Variants in EYA2 observed in about 807,000 individuals in gnomAD.
The protein encoded by EYA2 is EYA transcriptional coactivator and phosphatase 2.
EYA2 carries 31 observed loss-of-function variants against 69.2 expected under a neutral mutation model. The ratio of observed to expected loss-of-function variants is 0.45; its 90% CI spans 0.34 to 0.60. EYA2 has a LOEUF of 0.60. Ranked by LOEUF, EYA2 falls within the 20% of genes least tolerant of loss-of-function variation. EYA2 has a pLI of 0.02. For missense variants in EYA2, 622 were observed against 701.2 expected (o/e 0.89, Z 1.28); for synonymous variants, 257 against 279.4 (o/e 0.92, Z 0.80).
chr20:46,904,079 A>G (rs942868552), intron 1 of EYA2, among the ~76,000 whole-genome samples: 1 of 152,216 alleles, frequency 6.6e-6, no homozygotes, highest in Non-Finnish European at 1.5e-5. Flanking sequence ...CCCTGGACTC[A>G]GACAGATCTG....
At chr20:47,002,206 CTTTAT>C (rs773848642) in intron 3 of EYA2, among the ~76,000 whole-genome samples, 79 of 151,268 alleles carry the variant, frequency 5.2e-4, no homozygotes, top group South Asian at 1.0e-3. Context: ...CATTTCTTTA[CTTTAT>C]TTTAAGTTCC....
chr20:46,932,552 T>C (rs1365318296), intron 1 of EYA2, among the ~76,000 whole-genome samples: 1 of 152,094 alleles, frequency 6.6e-6, no homozygotes, highest in East Asian at 1.9e-4. Context: ...GGTCTGGTGA[T>C]AGTGAGTGAG....
chr20:46,964,762 A>G (rs769523446), intron 1 of EYA2, among the ~76,000 whole-genome samples: 1 of 152,328 alleles, frequency 6.6e-6, no homozygotes, highest in African/African-American at 2.4e-5. Context: ...GCCCAAGGTC[A>G]CAGCGATCAT....
intron 1 of EYA2, among the ~76,000 whole-genome samples, chr20:46,979,193 G>T (rs183350535): frequency 6.6e-6 from 1 of 152,186 alleles, no homozygotes; most frequent in Non-Finnish European, 1.5e-5. Flanking sequence ...CGGCCCACCC[G>T]CCTGGGACCC....
chr20:46,914,254 C>T (rs1873507772), intron 1 of EYA2, among the ~76,000 whole-genome samples: 3 of 152,202 alleles, frequency 2.0e-5, no homozygotes. Flanking sequence ...CACAGTAGAA[C>T]TCACACTTAA....
At chr20:47,082,609 T>C (rs2031761052) in intron 7 of EYA2, among the ~76,000 whole-genome samples, 1 of 152,242 alleles carries the variant, frequency 6.6e-6, no homozygotes, top group Non-Finnish European at 1.5e-5. Context: ...ACCTGGTTCG[T>C]GAATCAGAAG....
chr20:47,065,855 A>T (rs911680722), intron 5 of EYA2, among the ~76,000 whole-genome samples: 1 of 152,158 alleles, frequency 6.6e-6, no homozygotes, highest in Admixed American at 6.5e-5. Context: ...TCTGTCTGGA[A>T]TTATCTCACT....
At chr20:47,100,696 G>A (rs949117553) in intron 9 of EYA2, among the ~76,000 whole-genome samples, 7 of 152,332 alleles carry the variant, frequency 4.6e-5, no homozygotes, top group African/African-American at 1.4e-4. Flanking sequence ...CACCCAGATC[G>A]CCTGTGCCAT....
intron 7 of EYA2, among the ~76,000 whole-genome samples, chr20:47,075,670 C>T (rs1206816): frequency 0.38 from 57,163 of 151,900 alleles, 10,933 homozygotes; most frequent in East Asian, 0.39. Flanking sequence ...TACAATCCTT[C>T]AAAACATCCT....
At chr20:47,159,325 G>C (rs2034018007) in intron 10 of EYA2, among the ~76,000 whole-genome samples, 1 of 151,972 alleles carries the variant, frequency 6.6e-6, no homozygotes, top group African/African-American at 2.4e-5. Context: ...CAGGAACCCG[G>C]TGTCATCATG....
chr20:47,081,708 G>A (rs1034710773), intron 7 of EYA2, among the ~76,000 whole-genome samples: 7 of 150,262 alleles, frequency 4.7e-5, no homozygotes, highest in Non-Finnish European at 1.0e-4. Flanking sequence ...GAACCTGGGA[G>A]GCAGAGGTTG....
At chr20:47,129,204 G>A (rs1242353985) in intron 9 of EYA2, among the ~76,000 whole-genome samples, 1 of 152,174 alleles carries the variant, frequency 6.6e-6, no homozygotes, top group Non-Finnish European at 1.5e-5. Flanking sequence ...TAGCTCCCAT[G>A]GAGTTTGCCT....
intron 1 of EYA2, among the ~76,000 whole-genome samples, chr20:46,900,523 TACA>T (rs1984049394): frequency 1.3e-5 from 2 of 152,224 alleles, no homozygotes; most frequent in Non-Finnish European, 1.5e-5. Context: ...GAAAGAAAAT[TACA>T]GCAAGAAGCT....
chr20:46,994,923 C>T (rs995747430), intron 2 of EYA2, among the ~76,000 whole-genome samples: 17 of 151,698 alleles, frequency 1.1e-4, no homozygotes, highest in Admixed American at 9.2e-4. Flanking sequence ...TTTTTGAGAC[C>T]GAGTTTCGCT....
chr20:47,063,629 T>C (rs565198716), intron 5 of EYA2, among the ~76,000 whole-genome samples: 127 of 152,316 alleles, frequency 8.3e-4, no homozygotes, highest in Non-Finnish European at 4.9e-4. Flanking sequence ...GTACCTCTGA[T>C]TGTGGGCCAA....
intron 5 of EYA2, among the ~76,000 whole-genome samples, chr20:47,041,797 A>G (rs574688612): frequency 1.3e-5 from 2 of 152,082 alleles, no homozygotes; most frequent in South Asian, 4.2e-4. Flanking sequence ...TATATTATAC[A>G]TGGCTTTGTC....
At chr20:46,914,196 T>A (rs1251446197) in intron 1 of EYA2, among the ~76,000 whole-genome samples, 1 of 152,184 alleles carries the variant, frequency 6.6e-6, no homozygotes, top group Non-Finnish European at 1.5e-5. Context: ...GTCACCCACA[T>A]TTTTCCCTGA....
At chr20:47,108,711 A>G (rs1211588829) in intron 9 of EYA2, among the ~76,000 whole-genome samples, 1 of 151,936 alleles carries the variant, frequency 6.6e-6, no homozygotes, top group Non-Finnish European at 1.5e-5. Flanking sequence ...AGCTGAGACT[A>G]CAGGTGCACA....
intron 5 of EYA2, among the ~76,000 whole-genome samples, chr20:47,042,232 G>T (rs1246521951): frequency 6.6e-6 from 1 of 152,170 alleles, no homozygotes; most frequent in Admixed American, 6.5e-5. Flanking sequence ...GGCATGGCAA[G>T]GGTCAGTGAT....
Sources: gnomAD v4.1 joint callset for allele counts (sites outside exome capture counted in the v4.1 genomes callset) on GRCh38, gnomAD v4.1.1 for gene constraint, MANE v1.5 for transcripts, NCBI Gene and HGNC (gene_info 2026-07-23, HGNC 2026-07-21) for gene names.